GABRB1: variants seen among roughly 807,000 people sequenced by gnomAD.
GABRB1 encodes the protein gamma-aminobutyric acid receptor subunit beta-1.
A neutral mutation model predicts 51.6 loss-of-function variants in GABRB1; 17 were observed. The ratio of observed to expected loss-of-function variants is 0.33; its 90% CI spans 0.23 to 0.49. GABRB1 has a LOEUF of 0.49. GABRB1 is among the 20% of genes least tolerant of loss of function. The pLI is 0.99. For synonymous variants in GABRB1, 247 were observed against 218.9 expected (o/e 1.13, Z -1.14); for missense variants, 410 against 600.6 (o/e 0.68, Z 3.32).
At chr4:47,375,231 A>G (rs139946262) in intron 5 of GABRB1, among the ~76,000 whole-genome samples, 2,085 of 152,364 alleles carry the variant, frequency 0.014, 27 homozygotes, top group Non-Finnish European at 0.019. Flanking sequence ...TGACATTGTC[A>G]TATTTGTATT....
At chr4:47,409,464 C>G (rs1453002856) in intron 8 of GABRB1, among the ~76,000 whole-genome samples, 2 of 152,144 alleles carry the variant, frequency 1.3e-5, no homozygotes, top group Non-Finnish European at 2.9e-5. Context: ...CCATCTCCAG[C>G]CAAACTTCTC....
intron 4 of GABRB1, among the ~76,000 whole-genome samples, chr4:47,270,305 T>C (rs1722821857): frequency 6.6e-6 from 1 of 152,114 alleles, no homozygotes; most frequent in Non-Finnish European, 1.5e-5. Flanking sequence ...TCCTGCCTAT[T>C]AGTAAGTGAG....
intron 3 of GABRB1, among the ~76,000 whole-genome samples, chr4:47,092,035 A>T (rs1042218109): frequency 2.7e-5 from 4 of 149,800 alleles, no homozygotes; most frequent in Admixed American, 6.6e-5. Flanking sequence ...ATCTTTCACA[A>T]CCCCTTTCTT....
Position 47,031,591 on chromosome 4 carries a change from C to G in GABRB1, c.-61C>G. On this transcript the variant is annotated 5_prime_UTR_variant, in exon 1 of 9. Transcript: ENST00000295454. ...CATTCGGGAATTACTGCCCAGCAGC[C>G]GACTAAGTTGCATTCCTTGAATCTT... is the stretch of plus-strand genomic sequence containing the variant. The G allele has an allele frequency of 2.1e-6, 3 of 1,411,798 alleles. 1 individual carries two copies. Among genetic ancestry groups the G allele is most frequent in the South Asian group, 2.3e-5 (2 of 86,616 alleles). The allele number at this position is 1,411,798 out of a possible 1,614,324, so 87.5% of individuals were successfully genotyped here.
At chr4:47,325,461 C>A (rs953102878) in intron 5 of GABRB1, among the ~76,000 whole-genome samples, 1 of 151,910 alleles carries the variant, frequency 6.6e-6, no homozygotes, top group Non-Finnish European at 1.5e-5. Flanking sequence ...CAAAGACTTC[C>A]CACTACACTG....
intron 5 of GABRB1, among the ~76,000 whole-genome samples, chr4:47,367,573 C>A (rs1371870590): frequency 1.3e-5 from 2 of 152,176 alleles, no homozygotes; most frequent in East Asian, 3.9e-4. Context: ...ATGACAGATG[C>A]AGAAAAGTCT....
intron 3 of GABRB1, among the ~76,000 whole-genome samples, chr4:47,141,083 GT>G (rs200370058): frequency 4.0e-5 from 6 of 151,664 alleles, no homozygotes; most frequent in African/African-American, 7.2e-5. Flanking sequence ...GTGTACAACA[GT>G]TTTTTTTAAA....
chr4:47,184,634 A>G (rs1435293482), intron 4 of GABRB1, among the ~76,000 whole-genome samples: 1 of 151,892 alleles, frequency 6.6e-6, no homozygotes, highest in Non-Finnish European at 1.5e-5. Flanking sequence ...GAGCTGGGTT[A>G]GACTACAGAA....
chr4:47,133,637 T>C (rs1390826856), intron 3 of GABRB1, among the ~76,000 whole-genome samples: 1 of 152,216 alleles, frequency 6.6e-6, no homozygotes, highest in African/African-American at 2.4e-5. Flanking sequence ...AGGCAAGCTA[T>C]TTTATAGACC....
At chr4:47,167,671 G>T (rs1011173012) in intron 4 of GABRB1, among the ~76,000 whole-genome samples, 4 of 152,128 alleles carry the variant, frequency 2.6e-5, no homozygotes, top group Admixed American at 2.0e-4. Flanking sequence ...TATTTAAGGG[G>T]TGACTAGGTC....
intron 1 of GABRB1, among the ~76,000 whole-genome samples, chr4:47,022,307 T>C (rs531234629): frequency 6.6e-6 from 1 of 152,108 alleles, no homozygotes; most frequent in South Asian, 2.1e-4. Context: ...AATGATTTTA[T>C]AGTGCCAACA....
At chr4:47,218,373 G>A (rs1436109111) in intron 4 of GABRB1, among the ~76,000 whole-genome samples, 2 of 151,690 alleles carry the variant, frequency 1.3e-5, no homozygotes, top group Non-Finnish European at 3.0e-5. Flanking sequence ...TTGCTGCATT[G>A]TATAGTTGTT....
chr4:47,265,629 G>C (rs572858503), intron 4 of GABRB1, among the ~76,000 whole-genome samples: 1 of 151,908 alleles, frequency 6.6e-6, no homozygotes, highest in African/African-American at 2.4e-5. Context: ...TTAATAATAG[G>C]TGTTCTGACT....
At chr4:47,041,999 G>A (rs1725866010) in intron 3 of GABRB1, among the ~76,000 whole-genome samples, 1 of 151,992 alleles carries the variant, frequency 6.6e-6, no homozygotes, top group African/African-American at 2.4e-5. Context: ...ACTCATAAAA[G>A]ACAAAAGACC....
At chr4:47,387,447 G>A (rs1374668604) in intron 5 of GABRB1, among the ~76,000 whole-genome samples, 2 of 152,120 alleles carry the variant, frequency 1.3e-5, no homozygotes, top group African/African-American at 4.8e-5. Context: ...ACTCCAGCCT[G>A]GGCCACAGAG....
chr4:47,302,318 A>G (rs1243775283), intron 4 of GABRB1, among the ~76,000 whole-genome samples: 1 of 152,118 alleles, frequency 6.6e-6, no homozygotes, highest in African/African-American at 2.4e-5. Flanking sequence ...GAAAATTTGA[A>G]TGTAAAATTT....
intron 4 of GABRB1, among the ~76,000 whole-genome samples, chr4:47,306,399 G>T (rs983413904): frequency 6.6e-6 from 1 of 150,978 alleles, no homozygotes; most frequent in Non-Finnish European, 1.5e-5. Flanking sequence ...TAGAAGGTGC[G>T]AAGTAGAGAT....
chr4:47,213,736 C>A (rs1242137324), intron 4 of GABRB1, among the ~76,000 whole-genome samples: 1 of 151,682 alleles, frequency 6.6e-6, no homozygotes, highest in Non-Finnish European at 1.5e-5. Flanking sequence ...TGATTGCCAT[C>A]TTCTGTTCAT....
At chr4:47,332,772 C>A (rs970769229) in intron 5 of GABRB1, among the ~76,000 whole-genome samples, 3 of 151,644 alleles carry the variant, frequency 2.0e-5, no homozygotes, top group Admixed American at 6.6e-5. Flanking sequence ...TTTTAATAGA[C>A]CCAGTTCTCT....
Sources: allele counts gnomAD v4.1 joint callset (sites outside exome capture counted in the v4.1 genomes callset), GRCh38; gene constraint gnomAD v4.1.1; transcripts MANE v1.5; gene names NCBI Gene and HGNC (gene_info 2026-07-23, HGNC 2026-07-21).